The following NLRP13 variants were observed in gnomAD, a reference collection of about 807,000 sequenced individuals.
The protein encoded by NLRP13 is NACHT, LRR and PYD domains-containing protein 13.
A neutral mutation model predicts 94.4 loss-of-function variants in NLRP13; 82 were observed. That is an observed-to-expected ratio of 0.87 (90% CI 0.73 to 1.04). The LOEUF (loss-of-function observed/expected upper bound fraction) is 1.04, where lower values mean the gene tolerates loss of function less well. Ranked by LOEUF, NLRP13 falls within the 50% of genes least tolerant of loss-of-function variation. NLRP13 has a pLI of 0.00. For missense variants in NLRP13, 1,426 were observed against 1,230.8 expected (o/e 1.16, Z -2.37); for synonymous variants, 553 against 464.7 (o/e 1.19, Z -2.45).
chr19:55,920,080 A>T (rs1986780343), intron 4 of NLRP13, among the ~76,000 whole-genome samples: 1 of 152,206 alleles, frequency 6.6e-6, no homozygotes. Context: ...GCACTAGGGA[A>T]AGGGCACTCT....
chr19:55,907,822 C>T lies in NLRP13; in HGVS notation c.2417G>A (p.Arg806Lys). 1 of 1,613,930 alleles carries T rather than the reference C, an allele frequency of 6.2e-7. No homozygotes were observed. The highest frequency in any genetic ancestry group is 8.5e-7 in the Non-Finnish European group (1 of 1,179,942). ...ATACTTGAGGTTGCAAGCTGAGTGT[C>T]TCAAAGCTTTAAGAATCAGGGGGAC... ...MTVPLILKAL[R>K]HSACNLKYLC... Residue 806 changes from arginine (R) to lysine (K), a missense_variant, in exon 7 of 11, where the codon AGA becomes AAA. Physicochemically the swap from Arg to Lys is conservative, Grantham distance 26. Coordinates refer to ENST00000342929, the MANE Select transcript of NLRP13 (RefSeq NM_176810.2).
At chr19:55,910,298 C>T (rs1178189398) in intron 6 of NLRP13, among the ~76,000 whole-genome samples, 4 of 152,204 alleles carry the variant, frequency 2.6e-5, no homozygotes, top group Non-Finnish European at 5.9e-5. Flanking sequence ...CCTTCAAATC[C>T]AGCTCAAAAC....
chr19:55,898,016 G>A (rs114396925), intron 10 of NLRP13, among the ~76,000 whole-genome samples: 1,798 of 152,074 alleles, frequency 0.012, 42 homozygotes, highest in African/African-American at 0.04. Flanking sequence ...GGTTAACAAC[G>A]GTGAAGTGAA....
chr19:55,909,438 A>G (rs1347937085), intron 6 of NLRP13, among the ~76,000 whole-genome samples: 1 of 151,932 alleles, frequency 6.6e-6, no homozygotes, highest in Non-Finnish European at 1.5e-5. Context: ...TCCCTAATTC[A>G]TCCCAGGACA....
At chr19:55,918,982 C>T (rs904783272) in intron 4 of NLRP13, among the ~76,000 whole-genome samples, 1 of 151,868 alleles carries the variant, frequency 6.6e-6, no homozygotes, top group Non-Finnish European at 1.5e-5. Context: ...AACAAAATAC[C>T]AGAAAACTGA....
chr19:55,896,124 G>T lies in NLRP13; in HGVS notation c.2958-5C>A, dbSNP rs758002578. 6.2e-7 allele frequency: 1 copy of T among 1,613,790 alleles called. No homozygotes were observed. Among genetic ancestry groups the T allele is most frequent in the South Asian group, 1.1e-5 (1 of 91,050 alleles). On this transcript the variant is annotated splice_polypyrimidine_tract_variant and splice_region_variant and intron_variant, in intron 10 of 10. Coordinates refer to ENST00000342929, the MANE Select transcript of NLRP13 (RefSeq NM_176810.2). ...GTCAGATTGCATTTCGCCAACCTAG[G>T]GGCGGGTGGGAAGAAAGCACAACAG... is the stretch of plus-strand genomic sequence containing the variant.
chr19:55,901,331 A>C (rs1986165888), intron 9 of NLRP13, among the ~76,000 whole-genome samples: 1 of 152,172 alleles, frequency 6.6e-6, no homozygotes, highest in Non-Finnish European at 1.5e-5. Flanking sequence ...CTGGGGTCGG[A>C]CCACACAATC....
rs1347151945 is a variant in NLRP13 at position 55,923,978 on chromosome 19, C to G, written c.459G>C (p.Gly153=). 2 of 1,613,002 alleles carry G rather than the reference C, an allele frequency of 1.2e-6. No individual in the cohort carries two copies. Among genetic ancestry groups the G allele is most frequent in the South Asian group, 1.1e-5 (1 of 91,038 alleles). Residue 153 remains glycine, a splice_region_variant and synonymous_variant, in exon 4 of 11, where the codon GGG becomes GGC. Transcript: ENST00000342929. ...CTTGGCATCCCTGGGCCTGTACATT[C>G]CCTGAAATAAACAGTGATGATGAGA... ...EELDELEEET[G]NVQAQGCQDP...
At chr19:55,898,208 T>G (rs55824344) in intron 10 of NLRP13, among the ~76,000 whole-genome samples, 3 of 127,374 alleles carry the variant, frequency 2.4e-5, no homozygotes, top group East Asian at 2.3e-4. Flanking sequence ...TTGTTTTTGT[T>G]TTTGTTTTTT....
rs1555813815 is a variant in NLRP13 at position 55,900,775 on chromosome 19, T to TAACA, written c.2789+1259_2789+1260insTGTT. Among the ~76,000 whole-genome samples the TAACA allele has an allele frequency of 6.6e-4, 88 of 134,208 alleles. 5 individuals carry two copies. The highest frequency in any genetic ancestry group is 1.3e-3 in the East Asian group (6 of 4,544). 88.0% of individuals were successfully genotyped at this position (134,208 alleles called of 152,430 possible). On this transcript the variant is annotated intron_variant, in intron 9 of 10. Coordinates refer to ENST00000342929, the MANE Select transcript of NLRP13 (RefSeq NM_176810.2). ...TGAGTGACAGAACAAGACTCCATCT[T>TAACA]AAAAAAAAAAAAAAAATCTAGAACC...
At chr19:55,903,520 T>C (rs547806131) in intron 8 of NLRP13, among the ~76,000 whole-genome samples, 6 of 152,228 alleles carry the variant, frequency 3.9e-5, no homozygotes, top group African/African-American at 1.4e-4. Flanking sequence ...GGGTCTCTCA[T>C]TCCCACAAGG....
intron 10 of NLRP13, among the ~76,000 whole-genome samples, chr19:55,898,121 C>G (rs775994297): frequency 2.0e-5 from 3 of 151,846 alleles, no homozygotes; most frequent in Non-Finnish European, 4.4e-5. Context: ...TTCAATGTAC[C>G]AAGGATGGTG....
chr19:55,906,697 A>G (rs1196105113), intron 7 of NLRP13, among the ~76,000 whole-genome samples: 1 of 152,088 alleles, frequency 6.6e-6, no homozygotes, highest in Non-Finnish European at 1.5e-5. Context: ...ACTCCAACCT[A>G]TCACAGAGGC....
chr19:55,892,096 C>G, downstream of NLRP13: 1 of 1,231,974 alleles, frequency 8.1e-7, no homozygotes, highest in Non-Finnish European at 1.0e-6. Context: ...TCCTCTCTCA[C>G]TACATTGTGC....
chr19:55,892,582 G>A (rs975281622), downstream of NLRP13, among the ~76,000 whole-genome samples: 6 of 151,916 alleles, frequency 3.9e-5, no homozygotes, highest in Admixed American at 2.0e-4. Flanking sequence ...CCACCACGCC[G>A]GCTAATTTTT....
chr19:55,902,109 G>A lies in NLRP13; in HGVS notation c.2715C>T (p.Asn905=). The A allele has an allele frequency of 6.2e-7, 1 of 1,614,168 alleles. No individual in the cohort carries two copies. Among genetic ancestry groups the A allele is most frequent in the Non-Finnish European group, 8.5e-7 (1 of 1,180,022 alleles). Reference sequence around the variant, plus strand: ...ACTTGACTCCCTCGTCTCTCAGGCTGTTCTTGCTCAGATTCAGGTGTGTCA... The same window carrying A: ...ACTTGACTCCCTCGTCTCTCAGGCTATTCTTGCTCAGATTCAGGTGTGTCA... ...RSLTHLNLSK[N]SLRDEGVKFL... Residue 905 remains asparagine, a synonymous_variant, in exon 9 of 11, where the codon AAC becomes AAT. Transcript: ENST00000342929.
chr19:55,894,362 T>C (rs1489066210), downstream of NLRP13, among the ~76,000 whole-genome samples: 2 of 152,198 alleles, frequency 1.3e-5, no homozygotes, highest in Admixed American at 1.3e-4. Flanking sequence ...TCTGATTTCC[T>C]CTCAGAATAC....
chr19:55,924,889 T>G lies in NLRP13; in HGVS notation c.388+78A>C, dbSNP rs927050063. 2.5e-6 allele frequency: 3 copies of G among 1,220,178 alleles called. No individual in the cohort carries two copies. In the South Asian group the frequency reaches 3.8e-5, roughly 15 times the overall value. The allele number at this position is 1,220,178 out of a possible 1,614,324, so 75.6% of individuals were successfully genotyped here. A position where few individuals can be genotyped will look rare whatever the true frequency, so the allele number is the denominator to read the frequency against. The stretch of plus-strand genomic sequence containing the variant: ...ACTATAAATTCAAGAAATTTCAGAG[T>G]AGGCAGCGGATGTGGACCAGTGAAT... On this transcript the variant is annotated intron_variant, in intron 2 of 10. Coordinates refer to ENST00000342929, the MANE Select transcript of NLRP13 (RefSeq NM_176810.2).
rs545537845 is a variant in NLRP13 at position 55,928,222 on chromosome 19, T to C, written c.320-3187A>G. On this transcript the variant is annotated intron_variant, in intron 1 of 10. Transcript: ENST00000342929. The stretch of plus-strand genomic sequence containing the variant: ...TCCTGTGATGTGCCCCGCCTGGCCC[T>C]GCAGCCTTCAGGCAGGAAGTTTATG... Among the ~76,000 whole-genome samples the C allele has an allele frequency of 1.9e-4, 29 of 152,298 alleles. 1 individual carries two copies. The highest frequency in any genetic ancestry group is 7.0e-4 in the African/African-American group (29 of 41,562).
Sources: gnomAD v4.1 joint callset for allele counts (sites outside exome capture counted in the v4.1 genomes callset) on GRCh38, gnomAD v4.1.1 for gene constraint, MANE v1.5 for transcripts, NCBI Gene and HGNC (gene_info 2026-07-23, HGNC 2026-07-21) for gene names.